Variants in RRN3 observed in about 807,000 individuals in gnomAD.
RRN3 encodes the protein RNA polymerase I-specific transcription initiation factor RRN3.
Under a neutral mutation model 82.3 loss-of-function variants are expected in RRN3, and 38 were observed. The observed-to-expected ratio is 0.46, with a 90% CI of 0.36 to 0.61. The LOEUF (loss-of-function observed/expected upper bound fraction) is 0.61, where lower values mean the gene tolerates loss of function less well. Ranked by LOEUF, RRN3 falls within the 20% of genes least tolerant of loss-of-function variation. RRN3 has a pLI of 0.00. For synonymous variants in RRN3, 284 were observed against 284.3 expected, an observed-to-expected ratio of 1.00 and a Z score of 0.01; for missense variants, 726 against 793.1, an observed-to-expected ratio of 0.92 and a Z score of 1.02.
At chr16:15,064,260 C>T (rs1278912434) in intron 16 of RRN3, among the ~76,000 whole-genome samples, 2 of 152,048 alleles carry the variant, frequency 1.3e-5, no homozygotes, top group Non-Finnish European at 2.9e-5. Flanking sequence ...ACTGCAACCT[C>T]CACCTCCCGG....
At chr16:15,090,384 C>T (rs1452908120) in intron 3 of RRN3, among the ~76,000 whole-genome samples, 1 of 152,206 alleles carries the variant, frequency 6.6e-6, no homozygotes, top group East Asian at 1.9e-4. Flanking sequence ...GAGTCAGAGA[C>T]TGTTCTAAGT....
chr16:15,072,810 G>A (rs527891144), intron 12 of RRN3, 140 bp downstream of exon 12: 9 of 838,272 alleles, frequency 1.1e-5, no homozygotes, highest in African/African-American at 5.2e-5. Flanking sequence ...AGGAGAATGC[G>A]ATTTTATTAA....
chr16:15,064,615 T>A (rs1004477371), intron 16 of RRN3, among the ~76,000 whole-genome samples: 1 of 152,192 alleles, frequency 6.6e-6, no homozygotes, highest in Admixed American at 6.5e-5. Flanking sequence ...CCATTAACCT[T>A]ACATGTTTAA....
At chr16:15,091,592 T>C (rs2046131451) in intron 2 of RRN3, among the ~76,000 whole-genome samples, 1 of 152,032 alleles carries the variant, frequency 6.6e-6, no homozygotes, top group South Asian at 2.1e-4. Flanking sequence ...TACATTTAGC[T>C]ATACTTCTGT....
chr16:15,077,323 T>G (rs1335753657), intron 9 of RRN3, among the ~76,000 whole-genome samples: 1 of 152,172 alleles, frequency 6.6e-6, no homozygotes, highest in African/African-American at 2.4e-5. Context: ...GTCACACATG[T>G]TGCTGGGGGG....
At chr16:15,091,557 G>T (rs2151827236) in intron 2 of RRN3, among the ~76,000 whole-genome samples, 186 bp from the exon 3 acceptor site, 1 of 151,624 alleles carries the variant, frequency 6.6e-6, no homozygotes, top group South Asian at 2.1e-4. Context: ...CAGCCAGAGG[G>T]CTTGGAAAAA....
chr16:15,085,775 C>A, intron 5 of RRN3, 77 bp from the exon 6 acceptor site: 4 of 1,584,946 alleles, frequency 2.5e-6, no homozygotes, highest in Non-Finnish European at 3.4e-6. Flanking sequence ...AAGTTACTGA[C>A]CTAGACAATG....
chr16:15,078,607 G>C lies in RRN3; in HGVS notation c.765+1391C>G, dbSNP rs539161108. ...CTCCTCCTTCCGGCGGATCCTTCCT[G>C]AGCATCCAGGCTCTTGGTTTTCCCC... On this transcript the variant is annotated intron_variant, in intron 9 of 17. Transcript: ENST00000198767. Among the ~76,000 whole-genome samples the C allele has an allele frequency of 7.9e-5, 12 of 152,200 alleles. No individual in the cohort carries two copies. The South Asian group carries it at 2.5e-3, about 32-fold the overall frequency.
intron 6 of RRN3, among the ~76,000 whole-genome samples, chr16:15,085,040 T>G (rs555585684): frequency 2.6e-5 from 4 of 151,590 alleles, no homozygotes; most frequent in Admixed American, 2.6e-4. Context: ...TACTCCAGCC[T>G]GGGCAACAGA....
At chr16:15,075,249 C>CT (rs1567201836) in intron 10 of RRN3, among the ~76,000 whole-genome samples, 13 of 135,260 alleles carry the variant, frequency 9.6e-5, no homozygotes, top group South Asian at 2.4e-4. Context: ...CTGTGCCCCA[C>CT]CAAAAAAAAA....
chr16:15,060,393 T>A lies in RRN3; in HGVS notation c.*1351A>T, dbSNP rs778523635. The A allele has an allele frequency of 3.1e-5, 6 of 193,536 alleles. No individual in the cohort carries two copies. The South Asian group carries it at 4.6e-4, about 15-fold the overall frequency. 12.0% of individuals were successfully genotyped at this position (193,536 alleles called of 1,614,324 possible). ...ATTTTCCAAAAAAGTATTTACAGAC[T>A]GAAATTCAAACTCTACATTGCCATC... On this transcript the variant is annotated 3_prime_UTR_variant, in exon 18 of 18. Coordinates refer to ENST00000198767, the MANE Select transcript of RRN3 (RefSeq NM_018427.5).
chr16:15,084,727 G>A (rs761595376), intron 6 of RRN3, 22 bp from the exon 7 acceptor site: 17 of 1,591,922 alleles, frequency 1.1e-5, no homozygotes, highest in Admixed American at 3.3e-5. Context: ...AAAGTTCAGA[G>A]TATGAGCATC....
In RRN3 at chr16:15,060,083, A is replaced by C; in HGVS notation, c.*1661T>G. On this transcript the variant is annotated 3_prime_UTR_variant, in exon 18 of 18. Transcript: ENST00000198767. Reference sequence around the variant, plus strand: ...TAAGAACGTAAGTTCCAGATTAACCATGTCATTGTTTCATTTTCACCATGG... The same window carrying C: ...TAAGAACGTAAGTTCCAGATTAACCCTGTCATTGTTTCATTTTCACCATGG... The C allele has an allele frequency of 3.2e-6, 1 of 316,612 alleles. No individual in the cohort carries two copies. Among genetic ancestry groups the C allele is most frequent in the South Asian group, 2.7e-5 (1 of 37,680 alleles). The allele number at this position is 316,612 out of a possible 1,614,324, so 19.6% of individuals were successfully genotyped here.
At chr16:15,086,696 C>G (rs937121771) in intron 3 of RRN3, among the ~76,000 whole-genome samples, 2 of 152,146 alleles carry the variant, frequency 1.3e-5, no homozygotes, top group Non-Finnish European at 1.5e-5. Flanking sequence ...AATACTTCAG[C>G]CTGATCACTT....
intron 13 of RRN3, among the ~76,000 whole-genome samples, 192 bp downstream of exon 13, chr16:15,070,929 T>C (rs1219319646): frequency 6.6e-6 from 1 of 151,860 alleles, no homozygotes; most frequent in Admixed American, 6.6e-5. Flanking sequence ...ACATACAGGG[T>C]TTTATATATA....
intron 6 of RRN3, among the ~76,000 whole-genome samples, chr16:15,085,137 C>G (rs2045867430): frequency 6.6e-6 from 1 of 152,120 alleles, no homozygotes; most frequent in South Asian, 2.1e-4. Context: ...AATAATTTAT[C>G]AGAGAAATAA....
intron 15 of RRN3, among the ~76,000 whole-genome samples, chr16:15,066,371 A>G (rs937525648): frequency 1.3e-5 from 2 of 152,118 alleles, no homozygotes; most frequent in African/African-American, 4.8e-5. Flanking sequence ...GGTGGCTCAC[A>G]CCTGTAATCC....
chr16:15,071,404 AT>A (rs2045222417), intron 12 of RRN3, among the ~76,000 whole-genome samples, 153 bp from the exon 13 acceptor site: 2 of 152,228 alleles, frequency 1.3e-5, no homozygotes, highest in Non-Finnish European at 2.9e-5. Flanking sequence ...CATTGAGAGA[AT>A]ATCATTAAAA....
intron 14 of RRN3, among the ~76,000 whole-genome samples, chr16:15,068,887 A>G (rs1453818837): frequency 1.3e-5 from 2 of 152,216 alleles, no homozygotes; most frequent in Non-Finnish European, 2.9e-5. Flanking sequence ...ACCAACTTGT[A>G]CTTAAGTATA....
Sources: gnomAD v4.1 joint callset for allele counts (sites outside exome capture counted in the v4.1 genomes callset) on GRCh38, gnomAD v4.1.1 for gene constraint, MANE v1.5 for transcripts, NCBI Gene and HGNC (gene_info 2026-07-23, HGNC 2026-07-21) for gene names.